The following RFTN1 variants were observed in gnomAD, a reference collection of about 807,000 sequenced individuals.
RFTN1 encodes raftlin.
Under a neutral mutation model 46.5 loss-of-function variants are expected in RFTN1, and 26 were observed. That is an observed-to-expected ratio of 0.56 (90% CI 0.41 to 0.78). The LOEUF is 0.78. Among genes scored for constraint, RFTN1 ranks in the 30% least tolerant of loss-of-function variants. The pLI, the probability that RFTN1 is intolerant of heterozygous loss-of-function variation, is 0.00. For missense variants in RFTN1, 693 were observed against 718.7 expected (o/e 0.96, Z 0.41); for synonymous variants, 261 against 284.2 (o/e 0.92, Z 0.82).
chr3:16,409,602 C>T, intron 3 of RFTN1, 119 bp from the exon 4 acceptor site: 1 of 629,488 alleles, frequency 1.6e-6, no homozygotes, highest in Non-Finnish European at 2.8e-6. Context: ...ACTGCAACCC[C>T]CACCTCCCGG....
intron 3 of RFTN1, among the ~76,000 whole-genome samples, chr3:16,415,430 T>TATATATACACACACACAC: frequency 8.8e-6 from 1 of 114,276 alleles, no homozygotes; most frequent in Non-Finnish European, 2.0e-5. Flanking sequence ...TATATATATA[T>TATATATACACACACACAC]ACACACACAC....
intron 2 of RFTN1, among the ~76,000 whole-genome samples, chr3:16,435,917 A>ATATATATATATAT (rs2075501448): frequency 7.0e-6 from 1 of 142,358 alleles, no homozygotes; most frequent in African/African-American, 2.7e-5. Flanking sequence ...CAGAGATGTA[A>ATATATATATATAT]ATATATATAT....
rs766345419 is a variant in RFTN1, at chr3:16,500,649, T to A, written c.-8-6772A>T. 6.6e-6 allele frequency among the ~76,000 whole-genome samples: 1 copy of A among 152,226 alleles called. No individual in the cohort carries two copies. Among genetic ancestry groups the A allele is most frequent in the African/African-American group, 2.4e-5 (1 of 41,462 alleles). ...GATCTGGAAACAAAGATCCCTTGAA[T>A]GGTGATCTTCTGGAAAAAATTTTGG... On this transcript the variant is annotated intron_variant, in intron 1 of 9. Coordinates refer to ENST00000334133, the MANE Select transcript of RFTN1 (RefSeq NM_015150.2). The surrounding 1 kb of genome is among the most constrained non-coding windows in gnomAD (Gnocchi z 5.9).
Position 16,400,185 on chromosome 3 carries a change from C to T in RFTN1, c.441+9190G>A, listed in dbSNP as rs1239104613. The stretch of plus-strand genomic sequence containing the variant: ...GGGGACCCGACTCACTCTCCAGCCT[C>T]ACTCCACCTCACTCACCCCTCTGTC... On this transcript the variant is annotated intron_variant, in intron 4 of 9. Coordinates refer to ENST00000334133, the MANE Select transcript of RFTN1 (RefSeq NM_015150.2). This position sits in a 1 kb window ranked among gnomAD's most constrained non-coding sequence, Gnocchi z 4.5. 2.0e-5 allele frequency among the ~76,000 whole-genome samples: 3 copies of T among 152,204 alleles called. No homozygotes were observed. Among genetic ancestry groups the T allele is most frequent in the African/African-American group, 7.2e-5 (3 of 41,444 alleles).
chr3:16,430,849 C>A (rs1476867807), intron 3 of RFTN1, among the ~76,000 whole-genome samples: 2 of 152,204 alleles, frequency 1.3e-5, no homozygotes, highest in African/African-American at 4.8e-5. Context: ...CATACAAAGT[C>A]TCATTCCTCT....
At chr3:16,357,739 G>A (rs533817257) in intron 7 of RFTN1, among the ~76,000 whole-genome samples, 193 bp downstream of exon 7, 4 of 152,270 alleles carry the variant, frequency 2.6e-5, no homozygotes, top group East Asian at 1.9e-4. Flanking sequence ...AGGGAAGAGC[G>A]GGGCCCACCC....
chr3:16,486,842 G>C (rs2076454639), intron 2 of RFTN1, among the ~76,000 whole-genome samples: 1 of 152,250 alleles, frequency 6.6e-6, no homozygotes, highest in African/African-American at 2.4e-5. Flanking sequence ...TTTGGAGTAA[G>C]AAAGTAATGA....
rs1434891262 is a variant in RFTN1 at position 16,506,299 on chromosome 3, A to G, written c.-9+7143T>C. ...GTGGGGCCCCTGGGAGGCTGAGCAG[A>G]CCTCAGGGTGAAGTCAAACAGGGCT... On this transcript the variant is annotated intron_variant, in intron 1 of 9. Transcript: ENST00000334133. The surrounding 1 kb of genome is among the most constrained non-coding windows in gnomAD (Gnocchi z 4.8). Among the ~76,000 whole-genome samples, 1 of 152,042 alleles carries G rather than the reference A, an allele frequency of 6.6e-6. No individual in the cohort carries two copies. The highest frequency in any genetic ancestry group is 1.5e-5 in the Non-Finnish European group (1 of 68,002).
rs954514043 is a variant in RFTN1, at chr3:16,506,698, C to T, written c.-9+6744G>A. The stretch of plus-strand genomic sequence containing the variant: ...ACCCAAGCAGAGGTATGCAGTAGGC[C>T]GCTGGATGTACCATTTCGAGTTCAG... On this transcript the variant is annotated intron_variant, in intron 1 of 9. Coordinates refer to ENST00000334133, the MANE Select transcript of RFTN1 (RefSeq NM_015150.2). This position sits in a 1 kb window ranked among gnomAD's most constrained non-coding sequence, Gnocchi z 4.8. Among the ~76,000 whole-genome samples the T allele has an allele frequency of 3.3e-5, 5 of 151,676 alleles. No individual in the cohort carries two copies. Among genetic ancestry groups the T allele is most frequent in the Admixed American group, 1.3e-4 (2 of 15,234 alleles).
intron 4 of RFTN1, among the ~76,000 whole-genome samples, chr3:16,398,792 A>C (rs1163128845): frequency 1.3e-5 from 2 of 152,226 alleles, no homozygotes; most frequent in Non-Finnish European, 1.5e-5. Context: ...ACAGAGTGTT[A>C]TGCCCAGGCC....
In RFTN1 at chr3:16,320,404, T is replaced by A. The variant is rs1205761089; in HGVS notation, c.1332+2972A>T. Among the ~76,000 whole-genome samples the A allele has an allele frequency of 6.6e-6, 1 of 152,226 alleles. No homozygotes were observed. The highest frequency in any genetic ancestry group is 1.9e-4 in the East Asian group (1 of 5,206). ...TTTTCTTAAGTTTTAATGCTAGACATACTATGTGTGTCCTCGCTAAGAAGC... is the reference window on the plus strand; with the variant it reads ...TTTTCTTAAGTTTTAATGCTAGACAAACTATGTGTGTCCTCGCTAAGAAGC... On this transcript the variant is annotated intron_variant, in intron 9 of 9. Transcript: ENST00000334133. The surrounding 1 kb of genome is among the most constrained non-coding windows in gnomAD (Gnocchi z 4.5).
chr3:16,405,736 G>C (rs1172385175), intron 4 of RFTN1, among the ~76,000 whole-genome samples: 1 of 152,114 alleles, frequency 6.6e-6, no homozygotes, highest in Non-Finnish European at 1.5e-5. Context: ...TTGTTCTTAT[G>C]AAAAAATCTA....
Position 16,433,974 on chromosome 3 carries a change from A to C in RFTN1, c.209T>G (p.Leu70Arg). The change falls in exon 3 of 10, where the codon CTG (leucine) becomes CGG (arginine). Residue 70 changes from leucine to arginine, a missense_variant. Physicochemically the swap from Leu to Arg is moderately radical, Grantham distance 102. Coordinates refer to ENST00000334133, the MANE Select transcript of RFTN1 (RefSeq NM_015150.2). The surrounding 1 kb of genome is among the most constrained non-coding windows in gnomAD (Gnocchi z 4.4). ...ASLRDLPAQL[L>R]ELYQQGFSLA... Reference sequence around the variant, plus strand: ...CGAGAAGCCCTGCTGGTACAGCTCCAGGAGCTGGGCGGGCAGGTCACGCAG... The same window carrying C: ...CGAGAAGCCCTGCTGGTACAGCTCCCGGAGCTGGGCGGGCAGGTCACGCAG... The C allele has an allele frequency of 6.2e-7, 1 of 1,613,886 alleles. No homozygotes were observed. Among genetic ancestry groups the C allele is most frequent in the Non-Finnish European group, 8.5e-7 (1 of 1,179,964 alleles).
intron 6 of RFTN1, among the ~76,000 whole-genome samples, chr3:16,363,126 A>G (rs1247195677): frequency 1.3e-5 from 2 of 152,170 alleles, no homozygotes; most frequent in African/African-American, 4.8e-5. Context: ...GGCTATCAAA[A>G]TCTGGTTATC....
intron 2 of RFTN1, 103 bp from the exon 3 acceptor site, chr3:16,434,140 A>G (rs761532484): frequency 1.4e-5 from 14 of 969,270 alleles, no homozygotes; most frequent in Non-Finnish European, 1.8e-5. Context: ...CCTCTAGGTC[A>G]CTGCTAAAAT....
chr3:16,324,646 TTGTGTGTGTGTGTGTGTGTGTGTG>T (rs71632869), intron 8 of RFTN1, among the ~76,000 whole-genome samples: 7 of 100,474 alleles, frequency 7.0e-5, no homozygotes, highest in Admixed American at 2.2e-4. Flanking sequence ...TAGTATTCCA[TTGTGTGTGTGTGTGTGTGTGTGTG>T]TGTGTGTGTG....
At chr3:16,508,546 C>T (rs576811728) in intron 1 of RFTN1, among the ~76,000 whole-genome samples, 8 of 152,330 alleles carry the variant, frequency 5.3e-5, no homozygotes, top group East Asian at 1.9e-4. Context: ...CAGTGGCTAT[C>T]GCTTGCCTGC....
chr3:16,345,817 TG>T lies in RFTN1; in HGVS notation c.1146+12114del, dbSNP rs2071649149. Among the ~76,000 whole-genome samples the T allele has an allele frequency of 1.3e-5, 1 of 74,540 alleles. No homozygotes were observed. Among genetic ancestry groups the T allele is most frequent in the Admixed American group, 1.2e-4 (1 of 8,352 alleles). 48.9% of individuals were successfully genotyped at this position (74,540 alleles called of 152,430 possible). A position where few individuals can be genotyped will look rare whatever the true frequency, so the allele number is the denominator to read the frequency against. ...GTGTGTGTGTGTGTGTGTGTGTGTG[TG>T]CGCGCGCGCGTGCGCGCACGCGCAC... On this transcript the variant is annotated intron_variant, in intron 7 of 9. Coordinates refer to ENST00000334133, the MANE Select transcript of RFTN1 (RefSeq NM_015150.2). The surrounding 1 kb of genome is among the most constrained non-coding windows in gnomAD (Gnocchi z 5.2).
intron 7 of RFTN1, 84 bp downstream of exon 7, chr3:16,357,848 C>T: frequency 1.2e-6 from 1 of 846,604 alleles, no homozygotes; most frequent in Non-Finnish European, 2.0e-6. Flanking sequence ...ACAGCTGAGC[C>T]ACAGCCCCAC....
Sources: gnomAD v4.1 joint callset for allele counts (sites outside exome capture counted in the v4.1 genomes callset) on GRCh38, gnomAD v4.1.1 for gene constraint, Gnocchi (gnomAD v3.1) non-coding constraint, MANE v1.5 for transcripts, NCBI Gene and HGNC (gene_info 2026-07-23, HGNC 2026-07-21) for gene names.